The following FOXN3 variants were observed in gnomAD, a reference collection of about 807,000 sequenced individuals.
FOXN3 encodes forkhead box protein N3.
FOXN3 carries 7 observed loss-of-function variants against 38.4 expected under a neutral mutation model. That is an observed-to-expected ratio of 0.18 (90% CI 0.10 to 0.34). The LOEUF (loss-of-function observed/expected upper bound fraction) is 0.34. Among genes scored for constraint, FOXN3 ranks in the 10% least tolerant of loss-of-function variants. FOXN3 has a pLI of 1.00. For missense variants in FOXN3, 456 were observed against 613.4 expected (o/e 0.74, Z 2.71); for synonymous variants, 230 against 242.2 (o/e 0.95, Z 0.47).
chr14:89,162,461 G>A lies in FOXN3; in HGVS notation c.1360C>T (p.Arg454Trp), dbSNP rs370136184. Residue 454 changes from arginine to tryptophan, a missense_variant, in exon 6 of 6, where the codon CGG becomes TGG. Physicochemically the swap from Arg to Trp is moderately radical, Grantham distance 101 (BLOSUM62 -3). This residue lies in a region of FOXN3 where 386 missense variants were observed against 505.2 expected (regional missense o/e 0.76). Transcript: ENST00000557258. This position sits in a 1 kb window ranked among gnomAD's most constrained non-coding sequence, Gnocchi z 7.2. Reference sequence around the variant, plus strand: ...TGCTCTTTCTGCCCCTTTGCCGTCCGATTGGTGATGTTATTCAAACAGGAC... The same window carrying A: ...TGCTCTTTCTGCCCCTTTGCCGTCCAATTGGTGATGTTATTCAAACAGGAC... ...IRSCLNNITNRTAKGQKEQKE... is the reference protein window; with the variant it reads ...IRSCLNNITNWTAKGQKEQKE... 3.8e-6 allele frequency: 6 copies of A among 1,596,084 alleles called. No individual in the cohort carries two copies. The highest frequency in any genetic ancestry group is 3.4e-6 in the Non-Finnish European group (4 of 1,171,848).
intron 3 of FOXN3, among the ~76,000 whole-genome samples, chr14:89,306,401 T>C (rs992169918): frequency 6.6e-6 from 1 of 151,752 alleles, no homozygotes; most frequent in East Asian, 1.9e-4. Context: ...GGAGTCTTGC[T>C]CTGTTGCCCA....
At chr14:89,207,894 T>C (rs919378643) in intron 4 of FOXN3, among the ~76,000 whole-genome samples, 8 of 152,078 alleles carry the variant, frequency 5.3e-5, no homozygotes, top group Non-Finnish European at 1.2e-4. Flanking sequence ...AACTTGACCT[T>C]CCACTATAAT....
At chr14:89,381,280 C>T (rs1388533296) in intron 2 of FOXN3, among the ~76,000 whole-genome samples, 1 of 151,740 alleles carries the variant, frequency 6.6e-6, no homozygotes, top group East Asian at 1.9e-4. Flanking sequence ...TAATAATTGT[C>T]TACTGTGGAC....
chr14:89,400,436 C>G (rs1225716332), intron 2 of FOXN3, among the ~76,000 whole-genome samples: 1 of 152,220 alleles, frequency 6.6e-6, no homozygotes, highest in Non-Finnish European at 1.5e-5. Context: ...GACAGCTCCA[C>G]TTAGATGTCC....
At chr14:89,283,524 T>C (rs1185652475) in intron 3 of FOXN3, among the ~76,000 whole-genome samples, 1 of 152,170 alleles carries the variant, frequency 6.6e-6, no homozygotes, top group Non-Finnish European at 1.5e-5. Context: ...GAAGTGTCTA[T>C]TAACCACAGT....
In FOXN3 at chr14:89,389,514, C is replaced by T. The variant is rs189949663; in HGVS notation, c.543+22420G>A. Among the ~76,000 whole-genome samples the T allele has an allele frequency of 1.8e-4, 27 of 152,318 alleles. No homozygotes were observed. In the East Asian group the frequency reaches 4.6e-3, roughly 26 times the overall value. On this transcript the variant is annotated intron_variant, in intron 2 of 5. Transcript: ENST00000557258. ...AATTGATGTGTTTAGGAGAATTACG[C>T]TCTTTCTAACTCCTATTATTAACCT...
At chr14:89,298,124 C>T (rs1596164279) in intron 3 of FOXN3, among the ~76,000 whole-genome samples, 1 of 152,232 alleles carries the variant, frequency 6.6e-6, no homozygotes, top group East Asian at 1.9e-4. Flanking sequence ...GGAAGGAAAC[C>T]CTCACATACG....
intron 4 of FOXN3, among the ~76,000 whole-genome samples, chr14:89,250,655 G>C (rs1332334510): frequency 6.6e-6 from 1 of 152,188 alleles, no homozygotes; most frequent in Non-Finnish European, 1.5e-5. Context: ...TGTTTCTTCT[G>C]TCCCCAAACT....
intron 1 of FOXN3, among the ~76,000 whole-genome samples, chr14:89,415,872 A>ACC (rs1246745306): frequency 7.2e-6 from 1 of 139,228 alleles, no homozygotes; most frequent in African/African-American, 2.7e-5. Context: ...ACACACACAC[A>ACC]CACACACACA....
intron 1 of FOXN3, among the ~76,000 whole-genome samples, chr14:89,588,183 C>T (rs1895882730): frequency 6.6e-6 from 1 of 152,116 alleles, no homozygotes. Flanking sequence ...CTTGCTCCTG[C>T]TCAGGCCATG....
chr14:89,517,587 T>C (rs452782), intron 1 of FOXN3, among the ~76,000 whole-genome samples: 84,876 of 151,394 alleles, frequency 0.56, 24,048 homozygotes, highest in Admixed American at 0.63. Flanking sequence ...AAGAGCACGG[T>C]CAAGAGGGAA....
intron 1 of FOXN3, among the ~76,000 whole-genome samples, chr14:89,462,787 C>T (rs1289550963): frequency 1.3e-5 from 2 of 151,418 alleles, no homozygotes; most frequent in East Asian, 2.0e-4. Flanking sequence ...TGGGTTCAAG[C>T]GATTCTCTCA....
At chr14:89,580,516 T>A (rs1895721106) in intron 1 of FOXN3, among the ~76,000 whole-genome samples, 1 of 152,196 alleles carries the variant, frequency 6.6e-6, no homozygotes, top group Non-Finnish European at 1.5e-5. Context: ...TACAGTCTCA[T>A]CCTACTGGAA....
At chr14:89,330,908 T>C (rs1388606408) in intron 3 of FOXN3, among the ~76,000 whole-genome samples, 3 of 152,206 alleles carry the variant, frequency 2.0e-5, no homozygotes, top group African/African-American at 4.8e-5. Context: ...CCTCAGGACC[T>C]GGGCCCACCA....
At chr14:89,383,363 C>T (rs1467048227) in intron 2 of FOXN3, among the ~76,000 whole-genome samples, 1 of 152,106 alleles carries the variant, frequency 6.6e-6, no homozygotes, top group African/African-American at 2.4e-5. Flanking sequence ...GGCAAAATGA[C>T]GACAAAAATC....
intron 3 of FOXN3, among the ~76,000 whole-genome samples, chr14:89,332,371 A>C (rs1027489255): frequency 6.6e-6 from 1 of 152,186 alleles, no homozygotes; most frequent in Non-Finnish European, 1.5e-5. Flanking sequence ...AAAAGTGAGC[A>C]AAAAGTACAG....
In FOXN3 at chr14:89,500,995, T is replaced by C. The variant is rs1289849597; in HGVS notation, c.-14-88505A>G. Among the ~76,000 whole-genome samples the C allele has an allele frequency of 2.0e-5, 3 of 152,232 alleles. No individual in the cohort carries two copies. In the South Asian group the frequency reaches 6.2e-4, roughly 31 times the overall value. On this transcript the variant is annotated intron_variant, in intron 1 of 6. Coordinates refer to the FOXN3 transcript ENST00000345097. Reference sequence around the variant, plus strand: ...ATTGAGTAGCTAACTGTCCTCAGCATGCATGAACTCCCTCTATCTCTGCAT... The same window carrying C: ...ATTGAGTAGCTAACTGTCCTCAGCACGCATGAACTCCCTCTATCTCTGCAT...
At chr14:89,570,235 G>A (rs898035107) in intron 1 of FOXN3, among the ~76,000 whole-genome samples, 2 of 152,110 alleles carry the variant, frequency 1.3e-5, no homozygotes, top group African/African-American at 2.4e-5. Context: ...CCCTGACCTC[G>A]TGATCCGCCT....
At chr14:89,492,962 C>T (rs77039002) in intron 1 of FOXN3, among the ~76,000 whole-genome samples, 2,226 of 152,218 alleles carry the variant, frequency 0.015, 51 homozygotes, top group African/African-American at 0.05. Context: ...AAACTCCGAG[C>T]GCCTCAGAGG....
Sources: gnomAD v4.1 joint callset for allele counts (sites outside exome capture counted in the v4.1 genomes callset) on GRCh38, gnomAD v4.1.1 for gene constraint, gnomAD v4.1.1 regional missense constraint, Gnocchi (gnomAD v3.1) non-coding constraint, MANE v1.5 for transcripts, NCBI Gene and HGNC (gene_info 2026-07-23, HGNC 2026-07-21) for gene names.